HERC1: variants seen among roughly 807,000 people sequenced by gnomAD.
The protein encoded by HERC1 is HECT and RLD domain containing E3 ubiquitin protein ligase family member 1.
Under a neutral mutation model 554.3 loss-of-function variants are expected in HERC1, and 160 were observed. The ratio of observed to expected loss-of-function variants is 0.29; its 90% CI spans 0.25 to 0.33. The LOEUF (loss-of-function observed/expected upper bound fraction) is 0.33, where lower values mean the gene tolerates loss of function less well. Ranked by LOEUF, HERC1 falls within the 10% of genes least tolerant of loss-of-function variation. The pLI is 1.00. For synonymous variants in HERC1, 2,175 were observed against 2,131.7 expected (o/e 1.02, Z -0.56); for missense variants, 4,919 against 5,918.5 (o/e 0.83, Z 5.54).
In HERC1 at chr15:63,609,058, G is replaced by A. The variant is rs932306287; in HGVS notation, c.*23C>T. ...AGTGAGCATTATTGAGGGAGAGAAG[G>A]GAGGGTGAGAGCACCCGCACGGTCA... On this transcript the variant is annotated 3_prime_UTR_variant, in exon 78 of 78. Coordinates refer to ENST00000443617, the MANE Select transcript of HERC1 (RefSeq NM_003922.4). 1 of 1,600,358 alleles carries A rather than the reference G, an allele frequency of 6.2e-7. No individual in the cohort carries two copies. The highest frequency in any genetic ancestry group is 1.3e-5 in the African/African-American group (1 of 74,798).
At chr15:63,827,406 AGAGT>A (rs1472648911) in intron 1 of HERC1, among the ~76,000 whole-genome samples, 1 of 152,014 alleles carries the variant, frequency 6.6e-6, no homozygotes, top group African/African-American at 2.4e-5. Flanking sequence ...CCTGAGCAAC[AGAGT>A]GAGACTGTGT....
rs755958301 is a variant in HERC1, at chr15:63,633,991, C to G, written c.12571-21G>C. 14 of 1,613,364 alleles carry G rather than the reference C, an allele frequency of 8.7e-6. No homozygotes were observed. In the South Asian group the frequency reaches 1.5e-4, roughly 18 times the overall value. On this transcript the variant is annotated intron_variant, in intron 66 of 77. Coordinates refer to ENST00000443617, the MANE Select transcript of HERC1 (RefSeq NM_003922.4). ...GCCACCTAAAGAAATAACAGCATTC[C>G]GTAAGGCAAATCACAAGACCTAAAA...
chr15:63,729,933 G>A (rs1182959963), intron 14 of HERC1, among the ~76,000 whole-genome samples: 3 of 150,368 alleles, frequency 2.0e-5, no homozygotes, highest in African/African-American at 7.4e-5. Context: ...GCTGAGGCAG[G>A]AGAATTGCTT....
chr15:63,829,452 G>A (rs1369283364), intron 1 of HERC1, among the ~76,000 whole-genome samples: 2 of 130,772 alleles, frequency 1.5e-5, no homozygotes, highest in African/African-American at 5.5e-5. Flanking sequence ...GTATGTGTGT[G>A]TGTGTGTGCA....
At chr15:63,764,553 A>G (rs1039601701) in intron 2 of HERC1, among the ~76,000 whole-genome samples, 1 of 152,172 alleles carries the variant, frequency 6.6e-6, no homozygotes, top group African/African-American at 2.4e-5. Flanking sequence ...AATACTCCCC[A>G]TGGGTATATT....
At chr15:63,641,428 C>T in intron 60 of HERC1, 42 bp downstream of exon 60, 1 of 1,517,318 alleles carries the variant, frequency 6.6e-7, no homozygotes. Context: ...TTCCAAAGCA[C>T]CAGGTATCTG....
At chr15:63,759,552 T>G (rs2075540335) in intron 3 of HERC1, among the ~76,000 whole-genome samples, 2 of 152,258 alleles carry the variant, frequency 1.3e-5, no homozygotes, top group African/African-American at 4.8e-5. Context: ...TTCACATTTC[T>G]TTATTGTTAG....
At chr15:63,658,369 G>A (rs904728923) in intron 48 of HERC1, among the ~76,000 whole-genome samples, 175 bp downstream of exon 48, 2 of 152,230 alleles carry the variant, frequency 1.3e-5, no homozygotes, top group East Asian at 3.8e-4. Flanking sequence ...AAAGAGCCAA[G>A]TATTAACTGA....
At chr15:63,709,760 G>GA (rs574698167) in intron 24 of HERC1, among the ~76,000 whole-genome samples, 68 of 152,150 alleles carry the variant, frequency 4.5e-4, no homozygotes, top group African/African-American at 1.6e-3. Context: ...GGGCATTTAG[G>GA]AAAAATAAAA....
chr15:63,641,466 T>TTC lies in HERC1; in HGVS notation c.11607+3_11607+4insGA, dbSNP rs1225373905. On this transcript the variant is annotated splice_donor_region_variant and intron_variant, in intron 60 of 77. Transcript: ENST00000443617. ...TATCTCTAGGAGTGAGTGTAATGAG[T>TTC]TACCTTTTCATAGGCATACTGCTCC... 6.2e-7 allele frequency: 1 copy of TTC among 1,607,970 alleles called. No individual in the cohort carries two copies. The highest frequency in any genetic ancestry group is 8.5e-7 in the Non-Finnish European group (1 of 1,176,030).
At chr15:63,747,141 G>T (rs1284322510) in intron 11 of HERC1, 58 bp from the exon 12 acceptor site, 18 of 1,485,232 alleles carry the variant, frequency 1.2e-5, no homozygotes, top group Non-Finnish European at 1.6e-5. Context: ...GTGCTATCCA[G>T]TTTGGGTAAC....
In HERC1 at chr15:63,633,946, A is replaced by C. The variant is rs2068672870; in HGVS notation, c.12595T>G (p.Leu4199Val). 2 of 1,613,924 alleles carry C rather than the reference A, an allele frequency of 1.2e-6. No individual in the cohort carries two copies. Among genetic ancestry groups the C allele is most frequent in the Non-Finnish European group, 1.7e-6 (2 of 1,179,836 alleles). The change falls in exon 67 of 78, where the codon TTG becomes GTG. Residue 4199 changes from leucine to valine, a missense_variant. This residue lies in a region of HERC1 where 410 missense variants were observed against 467.0 expected (regional missense o/e 0.88). Coordinates refer to ENST00000443617, the MANE Select transcript of HERC1 (RefSeq NM_003922.4). Reference sequence around the variant, plus strand: ...ATGGAACCATCTGCTGACACTGCCAAAGTGTGGTTTAATCCACAGGCCACC... The same window carrying C: ...ATGGAACCATCTGCTGACACTGCCACAGTGTGGTTTAATCCACAGGCCACC... Reference protein sequence around the residue: ...GQVACGLNHTLAVSADGSMVW... With the variant: ...GQVACGLNHTVAVSADGSMVW...
chr15:63,703,414 T>C (rs2072836717), intron 25 of HERC1, among the ~76,000 whole-genome samples: 1 of 152,250 alleles, frequency 6.6e-6, no homozygotes, highest in Non-Finnish European at 1.5e-5. Context: ...ACACCCATTG[T>C]CATTTATACA....
At position 63,615,866 on chromosome 15, in the gene HERC1, T is replaced by C. The variant is rs371576830; in HGVS notation, c.13996A>G (p.Ile4666Val). 1.0e-5 allele frequency: 16 copies of C among 1,607,090 alleles called. No individual in the cohort carries two copies. Among genetic ancestry groups the C allele is most frequent in the African/African-American group, 8.0e-5 (6 of 74,634 alleles). The change falls in exon 76 of 78, where the codon ATA (isoleucine) becomes GTA (valine). Residue 4666 changes from isoleucine to valine, a missense_variant. By Grantham distance (29) the Ile-to-Val change is conservative. Around this residue, in one of 11 missense-constraint regions of HERC1, gnomAD observed 284 missense variants for 294.1 expected, o/e 0.97. Transcript: ENST00000443617. Reference protein sequence around the residue: ...GQSADGKMVPIIPGGNSIPLT... With the variant: ...GQSADGKMVPVIPGGNSIPLT... Reference sequence around the variant, plus strand: ...GGGATACTATTTCCACCAGGGATTATAGGAACCATTTTGCCATCAGCACTC... The same window carrying C: ...GGGATACTATTTCCACCAGGGATTACAGGAACCATTTTGCCATCAGCACTC...
intron 24 of HERC1, among the ~76,000 whole-genome samples, chr15:63,709,232 A>C (rs1240472847): frequency 1.3e-5 from 2 of 149,456 alleles, no homozygotes. Flanking sequence ...GCTGGCTCGA[A>C]CTCCTGGGCT....
intron 10 of HERC1, among the ~76,000 whole-genome samples, chr15:63,748,889 T>C (rs2075147535): frequency 6.6e-6 from 1 of 151,994 alleles, no homozygotes; most frequent in African/African-American, 2.4e-5. Context: ...CACGTACAGT[T>C]AGCACTTTCG....
intron 39 of HERC1, among the ~76,000 whole-genome samples, chr15:63,671,759 T>C (rs2070939231): frequency 4.6e-5 from 7 of 152,124 alleles, no homozygotes. Flanking sequence ...CTGTTTAAGA[T>C]GTCAGTCTAC....
chr15:63,784,791 A>C (rs1250685864), intron 1 of HERC1, among the ~76,000 whole-genome samples: 1 of 152,048 alleles, frequency 6.6e-6, no homozygotes, highest in Non-Finnish European at 1.5e-5. Context: ...TTGTATTTTC[A>C]GTACAGTTGG....
intron 57 of HERC1, 25 bp downstream of exon 57, chr15:63,644,967 G>T: frequency 6.6e-7 from 1 of 1,516,574 alleles, no homozygotes; most frequent in Non-Finnish European, 9.2e-7. Flanking sequence ...GTTTCAGACA[G>T]TCTTCAAAAA....
Sources: gnomAD v4.1 joint callset for allele counts (sites outside exome capture counted in the v4.1 genomes callset) on GRCh38, gnomAD v4.1.1 for gene constraint, gnomAD v4.1.1 regional missense constraint, MANE v1.5 for transcripts, NCBI Gene and HGNC (gene_info 2026-07-23, HGNC 2026-07-21) for gene names.